ARHGEF3: variants seen among roughly 807,000 people sequenced by gnomAD.
ARHGEF3 encodes the protein Rho guanine nucleotide exchange factor 3, also known as 59.8 kDA protein.
A neutral mutation model predicts 63.2 loss-of-function variants in ARHGEF3; 28 were observed. That is an observed-to-expected ratio of 0.44 (90% confidence interval 0.33 to 0.61). The LOEUF is 0.61. Among genes scored for constraint, ARHGEF3 ranks in the 20% least tolerant of loss-of-function variants. The probability of loss-of-function intolerance (pLI) is 0.03; values close to 1 mark genes in which losing one functional copy is unlikely to be tolerated. For synonymous variants in ARHGEF3, 266 were observed against 254.2 expected (o/e 1.05, Z -0.44); for missense variants, 533 against 659.3 (o/e 0.81, Z 2.10).
chr3:56,820,736 A>AT (rs1559967739), intron 4 of ARHGEF3, among the ~76,000 whole-genome samples: 1 of 152,242 alleles, frequency 6.6e-6, no homozygotes, highest in Non-Finnish European at 1.5e-5. Flanking sequence ...ATTAACAAGA[A>AT]TTCTTCAGTA....
At chr3:56,868,591 G>A (rs1027223960) in intron 4 of ARHGEF3, among the ~76,000 whole-genome samples, 1 of 152,104 alleles carries the variant, frequency 6.6e-6, no homozygotes, top group Non-Finnish European at 1.5e-5. Context: ...TCGAACTCCT[G>A]GCCTCAGGTG....
chr3:56,851,032 C>T (rs994911300), intron 4 of ARHGEF3, among the ~76,000 whole-genome samples: 1 of 152,130 alleles, frequency 6.6e-6, no homozygotes, highest in African/African-American at 2.4e-5. Flanking sequence ...TATCTCTTCA[C>T]CGGTTTACCA....
At chr3:56,875,466 T>A (rs1267337627) in intron 4 of ARHGEF3, among the ~76,000 whole-genome samples, 1 of 152,176 alleles carries the variant, frequency 6.6e-6, no homozygotes, top group African/African-American at 2.4e-5. Context: ...ATGGACACTA[T>A]GTATTTGCTT....
At chr3:56,980,646 T>C (rs1393644815) in intron 2 of ARHGEF3, among the ~76,000 whole-genome samples, 1 of 152,276 alleles carries the variant, frequency 6.6e-6, no homozygotes. Flanking sequence ...TATGTCACTC[T>C]GTCTCCTATT....
At chr3:56,824,174 T>C (rs1023218943) in intron 4 of ARHGEF3, among the ~76,000 whole-genome samples, 4 of 152,118 alleles carry the variant, frequency 2.6e-5, no homozygotes, top group Admixed American at 1.3e-4. Flanking sequence ...GCAATTCAAG[T>C]TCAAACAGAA....
chr3:56,754,856 G>T, intron 3 of ARHGEF3, 125 bp downstream of exon 3: 1 of 1,316,258 alleles, frequency 7.6e-7, no homozygotes, highest in Non-Finnish European at 1.0e-6. Flanking sequence ...AGACACTCTT[G>T]TTTATCCTTC....
At chr3:56,947,462 T>C (rs946462579) in intron 3 of ARHGEF3, among the ~76,000 whole-genome samples, 2 of 151,852 alleles carry the variant, frequency 1.3e-5, no homozygotes, top group Non-Finnish European at 2.9e-5. Context: ...AACAAAAAAA[T>C]GCAGGGGTTG....
rs573496478 is a variant in ARHGEF3 at position 56,979,263 on chromosome 3, T to G, written c.63-20374A>C. On this transcript the variant is annotated intron_variant, in intron 2 of 12. Transcript: ENST00000338458. ...ATGGAATTATCTGGATTTGGCACCT[T>G]TAATTGCATGCTTTCATTCCACACT... Among the ~76,000 whole-genome samples the G allele has an allele frequency of 4.9e-4, 74 of 152,386 alleles. 4 individuals are homozygous for G. The South Asian group carries it at 0.014, about 29-fold the overall frequency.
rs1025114978 is a variant in ARHGEF3 at position 57,064,092 on chromosome 3, C to A, written c.-28+15134G>T. Among the ~76,000 whole-genome samples the A allele has an allele frequency of 4.6e-5, 7 of 152,098 alleles. No individual in the cohort carries two copies. In the East Asian group the frequency reaches 1.4e-3, roughly 29 times the overall value. On this transcript the variant is annotated intron_variant, in intron 1 of 12. Coordinates refer to the ARHGEF3 transcript ENST00000338458. ...GACCAGCCTGGGCAACATGGCAAAA[C>A]CCTGTCTCTACCAAAAATACAAAAA...
intron 4 of ARHGEF3, among the ~76,000 whole-genome samples, chr3:56,833,393 T>C (rs1343943666): frequency 6.6e-6 from 1 of 152,220 alleles, no homozygotes; most frequent in African/African-American, 2.4e-5. Flanking sequence ...TTGTATATAT[T>C]CTTTGGAGAC....
chr3:57,074,229 A>G (rs760300061), intron 1 of ARHGEF3: 1 of 1,614,024 alleles, frequency 6.2e-7, no homozygotes, highest in Non-Finnish European at 8.5e-7. Context: ...GTCCCTCTCT[A>G]CAGTATACTC....
chr3:57,076,633 T>C (rs1272624551), intron 1 of ARHGEF3: 2 of 152,172 alleles, frequency 1.3e-5, no homozygotes, highest in African/African-American at 4.8e-5. Flanking sequence ...GAAGAGGTGT[T>C]GCAGAGGTGA....
At chr3:57,001,446 T>C (rs1267900940) in intron 2 of ARHGEF3, among the ~76,000 whole-genome samples, 1 of 152,244 alleles carries the variant, frequency 6.6e-6, no homozygotes, top group Non-Finnish European at 1.5e-5. Context: ...ATTCTTGTTC[T>C]AGGGAATCAC....
chr3:56,757,330 G>A (rs1227764857), intron 2 of ARHGEF3, among the ~76,000 whole-genome samples: 6 of 151,942 alleles, frequency 3.9e-5, no homozygotes, highest in Non-Finnish European at 5.9e-5. Flanking sequence ...AAAATTAGCC[G>A]GGGCGTGGTG....
At chr3:57,006,576 T>C (rs1014576418) in intron 2 of ARHGEF3, among the ~76,000 whole-genome samples, 3 of 152,110 alleles carry the variant, frequency 2.0e-5, no homozygotes, top group African/African-American at 7.2e-5. Context: ...ACATGGCATT[T>C]CTCTCTGGCT....
At chr3:56,807,620 C>A (rs975949419) in intron 4 of ARHGEF3, among the ~76,000 whole-genome samples, 1 of 152,146 alleles carries the variant, frequency 6.6e-6, no homozygotes, top group South Asian at 2.1e-4. Context: ...AATGACCAAG[C>A]CCCCCTCTCC....
chr3:56,775,890 G>T (rs907077754), intron 1 of ARHGEF3, among the ~76,000 whole-genome samples: 2 of 152,106 alleles, frequency 1.3e-5, no homozygotes, highest in African/African-American at 4.8e-5. Flanking sequence ...CAGGTTGGTG[G>T]CACAAACTGC....
At chr3:56,778,953 T>A (rs1401012410) in intron 1 of ARHGEF3, among the ~76,000 whole-genome samples, 1 of 152,142 alleles carries the variant, frequency 6.6e-6, no homozygotes, top group East Asian at 1.9e-4. Flanking sequence ...TTGCTGACTG[T>A]TGTTTGCTGA....
At chr3:56,956,086 CCTAA>C (rs1171197920) in intron 3 of ARHGEF3, among the ~76,000 whole-genome samples, 1 of 152,170 alleles carries the variant, frequency 6.6e-6, no homozygotes, top group Non-Finnish European at 1.5e-5. Flanking sequence ...GGCCTAATCA[CCTAA>C]CTGACAACTT....
Sources: allele counts gnomAD v4.1 joint callset (sites outside exome capture counted in the v4.1 genomes callset), GRCh38; gene constraint gnomAD v4.1.1; transcripts MANE v1.5; gene names NCBI Gene and HGNC (gene_info 2026-07-23, HGNC 2026-07-21).